HSDL2: variants seen among roughly 807,000 people sequenced by gnomAD.
The protein encoded by HSDL2 is hydroxysteroid dehydrogenase-like protein 2.
Under a neutral mutation model 46.3 loss-of-function variants are expected in HSDL2, and 27 were observed. That is an observed-to-expected ratio of 0.58 (90% CI 0.43 to 0.80). HSDL2 has a LOEUF of 0.80. Ranked by LOEUF, HSDL2 falls within the 30% of genes least tolerant of loss-of-function variation. The pLI is 0.00. For missense variants in HSDL2, 451 were observed against 502.7 expected (o/e 0.90, Z 0.98); for synonymous variants, 153 against 163.6 (o/e 0.94, Z 0.50).
intron 7 of HSDL2, among the ~76,000 whole-genome samples, chr9:112,441,014 T>A (rs945262010): frequency 4.6e-5 from 7 of 150,868 alleles, no homozygotes; most frequent in Admixed American, 6.6e-5. Flanking sequence ...TCTCAAAAAA[T>A]AAATAAATAA....
intron 10 of HSDL2, among the ~76,000 whole-genome samples, chr9:112,466,153 T>C (rs1226281088): frequency 1.3e-5 from 2 of 152,260 alleles, no homozygotes; most frequent in African/African-American, 4.8e-5. Flanking sequence ...ACAAATGATA[T>C]CATACTTTTT....
rs1330754016 is a variant in HSDL2 at position 112,438,805 on chromosome 9, A to T, written c.793+180A>T. On this transcript the variant is annotated intron_variant, in intron 7 of 10. Transcript: ENST00000398805. ...CAACTTAAAAAAAAAGATGAATGAA[A>T]AATAGAGGTGAGTTGAGGGCTTTTG... 23 of 463,810 alleles carry T rather than the reference A, an allele frequency of 5.0e-5. No individual in the cohort carries two copies. In the East Asian group the frequency reaches 8.2e-4, roughly 16 times the overall value. 28.7% of individuals were successfully genotyped at this position (463,810 alleles called of 1,614,324 possible).
At chr9:112,411,762 A>G (rs182064534) in intron 4 of HSDL2, among the ~76,000 whole-genome samples, 1 of 152,370 alleles carries the variant, frequency 6.6e-6, no homozygotes, top group East Asian at 1.9e-4. Context: ...CAAATAAAAT[A>G]GGCAATGTTG....
chr9:112,423,168 C>T (rs1832162671), intron 6 of HSDL2, among the ~76,000 whole-genome samples: 1 of 152,066 alleles, frequency 6.6e-6, no homozygotes, highest in East Asian at 1.9e-4. Flanking sequence ...GTCAAATGTA[C>T]ATGGATTATA....
intron 1 of HSDL2, among the ~76,000 whole-genome samples, chr9:112,385,272 G>A (rs1337642213): frequency 6.6e-6 from 1 of 151,762 alleles, no homozygotes; most frequent in African/African-American, 2.4e-5. Flanking sequence ...AATTAATGAA[G>A]CTGGTCACCT....
At chr9:112,442,928 T>C (rs991062941) in intron 8 of HSDL2, among the ~76,000 whole-genome samples, 8 of 152,158 alleles carry the variant, frequency 5.3e-5, no homozygotes, top group African/African-American at 1.7e-4. Context: ...AAAAAATTAC[T>C]TAGGTAATAA....
At chr9:112,424,225 G>A (rs1832197997) in intron 6 of HSDL2, among the ~76,000 whole-genome samples, 1 of 151,184 alleles carries the variant, frequency 6.6e-6, no homozygotes, top group African/African-American at 2.4e-5. Flanking sequence ...GGAGGCTGAG[G>A]CAGGAGAATG....
intron 8 of HSDL2, among the ~76,000 whole-genome samples, chr9:112,451,905 TATC>T (rs1204946136): frequency 6.6e-6 from 1 of 152,216 alleles, no homozygotes; most frequent in African/African-American, 2.4e-5. Context: ...ATACCTGTAA[TATC>T]ATCTTTCTTG....
chr9:112,431,428 G>A (rs1292773240), intron 6 of HSDL2, among the ~76,000 whole-genome samples: 1 of 152,140 alleles, frequency 6.6e-6, no homozygotes, highest in East Asian at 1.9e-4. Context: ...GGAGAGTAAG[G>A]TAGGAAGATG....
chr9:112,464,134 A>G (rs1370159166), intron 10 of HSDL2, among the ~76,000 whole-genome samples: 1 of 151,960 alleles, frequency 6.6e-6, no homozygotes, highest in African/African-American at 2.4e-5. Context: ...TGGGGGGCCA[A>G]AGAAAGAGGA....
chr9:112,397,342 G>A (rs1436462663), intron 1 of HSDL2, among the ~76,000 whole-genome samples: 1 of 152,136 alleles, frequency 6.6e-6, no homozygotes, highest in Non-Finnish European at 1.5e-5. Context: ...GGCATGCATG[G>A]CCATTTTACA....
At chr9:112,434,213 A>G (rs1832466876) in intron 6 of HSDL2, 1 of 152,326 alleles carries the variant, frequency 6.6e-6, no homozygotes, top group Non-Finnish European at 1.5e-5. Flanking sequence ...TAGAAGCAGG[A>G]AAGTCCACTT....
At chr9:112,391,901 AAAG>A (rs1831353317) in intron 1 of HSDL2, among the ~76,000 whole-genome samples, 1 of 151,738 alleles carries the variant, frequency 6.6e-6, no homozygotes, top group East Asian at 1.9e-4. Context: ...AAAAAAAAGA[AAAG>A]AAAAGAAAAA....
chr9:112,438,630 T>C lies in HSDL2; in HGVS notation c.793+5T>C. ...ACGTTTATGCAATTAAACCAGGTAA[T>C]GCTTTTATAGTTTTTAAAAGTAGTG... On this transcript the variant is annotated splice_donor_5th_base_variant and intron_variant, in intron 7 of 10. Coordinates refer to ENST00000398805, the MANE Select transcript of HSDL2 (RefSeq NM_032303.5). The C allele has an allele frequency of 6.6e-7, 1 of 1,511,718 alleles. No homozygotes were observed. The highest frequency in any genetic ancestry group is 9.1e-7 in the Non-Finnish European group (1 of 1,102,212). 93.6% of individuals were successfully genotyped at this position (1,511,718 alleles called of 1,614,324 possible).
intron 9 of HSDL2, among the ~76,000 whole-genome samples, chr9:112,455,646 A>T (rs1373806744): frequency 6.6e-6 from 1 of 152,174 alleles, no homozygotes; most frequent in Non-Finnish European, 1.5e-5. Flanking sequence ...AACACTTCAG[A>T]ATTCTGTGTT....
At chr9:112,392,907 G>A (rs1831379005) in intron 1 of HSDL2, among the ~76,000 whole-genome samples, 1 of 152,172 alleles carries the variant, frequency 6.6e-6, no homozygotes, top group African/African-American at 2.4e-5. Context: ...ACTGATAAAT[G>A]TCCATGAAAT....
intron 9 of HSDL2, among the ~76,000 whole-genome samples, chr9:112,457,008 C>T: frequency 6.6e-6 from 1 of 152,098 alleles, no homozygotes; most frequent in Non-Finnish European, 1.5e-5. Context: ...ATTAGCCGGG[C>T]TTGGTGGCGC....
intron 6 of HSDL2, among the ~76,000 whole-genome samples, chr9:112,427,070 T>A (rs1047606550): frequency 6.6e-6 from 1 of 152,170 alleles, no homozygotes; most frequent in Non-Finnish European, 1.5e-5. Flanking sequence ...TAATTATTTT[T>A]TCGAGGCAGA....
chr9:112,399,202 G>T (rs149144802), intron 1 of HSDL2, among the ~76,000 whole-genome samples: 1 of 152,188 alleles, frequency 6.6e-6, no homozygotes, highest in Non-Finnish European at 1.5e-5. Flanking sequence ...CAGCTGGGCT[G>T]CCGGGGGTGA....
Sources: gnomAD v4.1 joint callset for allele counts (sites outside exome capture counted in the v4.1 genomes callset) on GRCh38, gnomAD v4.1.1 for gene constraint, MANE v1.5 for transcripts, NCBI Gene and HGNC (gene_info 2026-07-23, HGNC 2026-07-21) for gene names.